AIM2: variants seen among roughly 807,000 people sequenced by gnomAD.
The protein encoded by AIM2 is interferon-inducible protein AIM2.
A neutral mutation model predicts 27.7 loss-of-function variants in AIM2; 30 were observed. That is an observed-to-expected ratio of 1.08 (90% CI 0.81 to 1.47). AIM2 has a LOEUF of 1.47. AIM2 is among the 40% of genes most tolerant of loss of function. The probability of loss-of-function intolerance (pLI) is 0.00; values close to 1 mark genes in which losing one functional copy is unlikely to be tolerated. For synonymous variants in AIM2, 141 were observed against 145.3 expected (o/e 0.97, Z 0.21); for missense variants, 358 against 411.3 (o/e 0.87, Z 1.12).
chr1:159,089,996 G>T (rs1448276679), intron 1 of AIM2, among the ~76,000 whole-genome samples: 2 of 152,150 alleles, frequency 1.3e-5, no homozygotes, highest in Non-Finnish European at 2.9e-5. Flanking sequence ...CTTCCCCAAG[G>T]TTGCATCCTT....
upstream of AIM2, among the ~76,000 whole-genome samples, chr1:159,144,277 G>GC (rs1428450504): frequency 6.6e-6 from 1 of 151,830 alleles, no homozygotes; most frequent in African/African-American, 2.4e-5. Flanking sequence ...CAGCAAAAAT[G>GC]CCCCCCACCA....
downstream of AIM2, among the ~76,000 whole-genome samples, chr1:159,057,794 T>A (rs1404992558): frequency 1.3e-5 from 2 of 152,162 alleles, no homozygotes; most frequent in Admixed American, 6.5e-5. Context: ...CAAAAAAACA[T>A]AAATCATGAT....
At chr1:159,079,214 C>T (rs1656715470), upstream of AIM2, among the ~76,000 whole-genome samples, 1 of 151,858 alleles carries the variant, frequency 6.6e-6, no homozygotes, top group South Asian at 2.1e-4. Context: ...AAAGACAGTG[C>T]TAATACTTGT....
At chr1:159,067,040 G>A (rs1656134884) in intron 3 of AIM2, among the ~76,000 whole-genome samples, 1 of 151,928 alleles carries the variant, frequency 6.6e-6, no homozygotes, top group South Asian at 2.1e-4. Context: ...AATAGATTTG[G>A]TTAAATAAAA....
chr1:159,068,406 C>T (rs1045341008), intron 3 of AIM2, among the ~76,000 whole-genome samples, 162 bp downstream of exon 3: 2 of 152,192 alleles, frequency 1.3e-5, no homozygotes, highest in African/African-American at 4.8e-5. Flanking sequence ...TCTGATGAAT[C>T]AAAGGTAGTT....
chr1:159,124,821 C>T (rs574565013), intron 1 of AIM2, among the ~76,000 whole-genome samples: 17 of 152,296 alleles, frequency 1.1e-4, no homozygotes, highest in Admixed American at 7.2e-4. Flanking sequence ...ATGGTGATGA[C>T]GTTGGAGGCA....
chr1:159,090,245 C>T lies in AIM2; in HGVS notation c.-15-23916G>A, dbSNP rs1036020131. On this transcript the variant is annotated intron_variant, in intron 1 of 2. Transcript: ENST00000368129. Reference sequence around the variant, plus strand: ...ACTTCTTGCAGGCAAATCTAACAGTCTGTTTCTTGGGGACCCAACATAAGA... The same window carrying T: ...ACTTCTTGCAGGCAAATCTAACAGTTTGTTTCTTGGGGACCCAACATAAGA... Among the ~76,000 whole-genome samples the T allele has an allele frequency of 4.6e-5, 7 of 152,212 alleles. No homozygotes were observed. In the East Asian group the frequency reaches 1.3e-3, roughly 29 times the overall value.
At chr1:159,138,105 A>T (rs1381798579) in intron 1 of AIM2, among the ~76,000 whole-genome samples, 2 of 152,236 alleles carry the variant, frequency 1.3e-5, no homozygotes, top group Non-Finnish European at 2.9e-5. Context: ...AAGTTATGTT[A>T]TCTATGAATT....
intron 1 of AIM2, among the ~76,000 whole-genome samples, chr1:159,139,693 C>A (rs1648075404): frequency 6.6e-6 from 1 of 152,168 alleles, no homozygotes; most frequent in Non-Finnish European, 1.5e-5. Context: ...TAGAGCTTCA[C>A]ATAAAGAGCT....
At chr1:159,110,685 C>G (rs1013880880) in intron 1 of AIM2, among the ~76,000 whole-genome samples, 4 of 152,156 alleles carry the variant, frequency 2.6e-5, no homozygotes, top group African/African-American at 9.7e-5. Context: ...ATCTGTTTGC[C>G]TAAAATCATA....
intron 1 of AIM2, among the ~76,000 whole-genome samples, chr1:159,102,386 TG>T (rs1473916542): frequency 1.3e-5 from 2 of 152,062 alleles, no homozygotes; most frequent in Non-Finnish European, 2.9e-5. Context: ...TAGGGCAGTG[TG>T]GAAGGGAAAT....
chr1:159,128,574 C>T lies in AIM2; in HGVS notation c.-16+11857G>A, dbSNP rs1005381605. Among the ~76,000 whole-genome samples the T allele has an allele frequency of 3.3e-5, 5 of 152,290 alleles. No homozygotes were observed. In the East Asian group the frequency reaches 9.6e-4, roughly 29 times the overall value. On this transcript the variant is annotated intron_variant, in intron 1 of 2. Coordinates refer to the AIM2 transcript ENST00000368129. The stretch of plus-strand genomic sequence containing the variant: ...TATCCGACTTCTTCACCTCTATGGC[C>T]TTCCATGGAAAGCCACTTGCCAGTA...
At chr1:159,070,643 T>C (rs1656314012) in intron 2 of AIM2, among the ~76,000 whole-genome samples, 1 of 152,222 alleles carries the variant, frequency 6.6e-6, no homozygotes, top group African/African-American at 2.4e-5. Flanking sequence ...AGAAACGATT[T>C]AATTATTAGA....
chr1:159,073,552 C>A, intron 1 of AIM2, 33 bp from the exon 2 acceptor site: 1 of 1,546,838 alleles, frequency 6.5e-7, no homozygotes, highest in Non-Finnish European at 8.8e-7. Flanking sequence ...AAGATTACAC[C>A]ACCAAAAGTG....
intron 1 of AIM2, among the ~76,000 whole-genome samples, chr1:159,103,325 AT>A (rs1657356196): frequency 1.3e-5 from 2 of 151,896 alleles, no homozygotes; most frequent in South Asian, 4.1e-4. Context: ...AATCTTGGGT[AT>A]TTCTTCATAG....
At chr1:159,109,852 A>G (rs1350597898) in intron 1 of AIM2, among the ~76,000 whole-genome samples, 1 of 152,254 alleles carries the variant, frequency 6.6e-6, no homozygotes, top group African/African-American at 2.4e-5. Flanking sequence ...CAAAACCACA[A>G]TGTGACATCA....
At chr1:159,098,467 A>T (rs758087009) in intron 1 of AIM2, among the ~76,000 whole-genome samples, 56 of 150,406 alleles carry the variant, frequency 3.7e-4, no homozygotes, top group Non-Finnish European at 7.7e-4. Flanking sequence ...GCCACATTCC[A>T]AGTGTTTCAT....
At chr1:159,085,517 G>A (rs192414825) in intron 1 of AIM2, among the ~76,000 whole-genome samples, 13 of 152,288 alleles carry the variant, frequency 8.5e-5, no homozygotes, top group Admixed American at 2.0e-4. Context: ...GAGGTGTTGC[G>A]TTTGAGGTGC....
chr1:159,103,251 C>G (rs764713853), intron 1 of AIM2, among the ~76,000 whole-genome samples: 5 of 152,216 alleles, frequency 3.3e-5, no homozygotes, highest in Admixed American at 6.5e-5. Flanking sequence ...TGTAAGTTTT[C>G]TGCGGCTTCC....
Sources: allele counts gnomAD v4.1 joint callset (sites outside exome capture counted in the v4.1 genomes callset), GRCh38; gene constraint gnomAD v4.1.1; transcripts MANE v1.5; gene names NCBI Gene and HGNC (gene_info 2026-07-23, HGNC 2026-07-21).